Variants in EBF2 observed in about 807,000 individuals in gnomAD.
EBF2 encodes transcription factor COE2.
Under a neutral mutation model 72.8 loss-of-function variants are expected in EBF2, and 21 were observed. The observed-to-expected ratio is 0.29, with a 90% CI of 0.20 to 0.42. EBF2 has a LOEUF of 0.42. Ranked by LOEUF, EBF2 falls within the 10% of genes least tolerant of loss-of-function variation. The probability of loss-of-function intolerance (pLI) is 1.00; values close to 1 mark genes in which losing one functional copy is unlikely to be tolerated. For missense variants in EBF2, 637 were observed against 731.2 expected, an observed-to-expected ratio of 0.87 and a Z score of 1.49; for synonymous variants, 299 against 274.2, an observed-to-expected ratio of 1.09 and a Z score of -0.89.
At chr8:25,991,114 T>TAA (rs142216047) in intron 6 of EBF2, among the ~76,000 whole-genome samples, 3 of 150,872 alleles carry the variant, frequency 2.0e-5, no homozygotes, top group African/African-American at 4.9e-5. Flanking sequence ...GTGAAAAAAA[T>TAA]AAAAAAAAAG....
intron 6 of EBF2, among the ~76,000 whole-genome samples, chr8:25,966,499 T>G (rs1192414880): frequency 1.3e-5 from 2 of 152,176 alleles, no homozygotes; most frequent in African/African-American, 4.8e-5. Context: ...GAAACGGAAC[T>G]GTAGATGCAA....
At chr8:26,008,770 A>G (rs1212559029) in intron 6 of EBF2, among the ~76,000 whole-genome samples, 2 of 150,648 alleles carry the variant, frequency 1.3e-5, no homozygotes, top group Non-Finnish European at 2.9e-5. Flanking sequence ...GTTACTCTGC[A>G]TAGAAATACA....
intron 6 of EBF2, among the ~76,000 whole-genome samples, chr8:25,955,059 A>C (rs1257049890): frequency 6.6e-6 from 1 of 152,194 alleles, no homozygotes; most frequent in Non-Finnish European, 1.5e-5. Flanking sequence ...GGGTTCGAGG[A>C]GGGCACGGAG....
At chr8:26,016,826 A>C (rs930338944) in intron 6 of EBF2, among the ~76,000 whole-genome samples, 33 of 152,220 alleles carry the variant, frequency 2.2e-4, no homozygotes, top group African/African-American at 7.7e-4. Flanking sequence ...GCCAGTAAAA[A>C]TTGGTTAAGG....
intron 6 of EBF2, among the ~76,000 whole-genome samples, chr8:25,952,455 G>A (rs1392052389): frequency 2.6e-5 from 4 of 151,830 alleles, no homozygotes; most frequent in Non-Finnish European, 5.9e-5. Flanking sequence ...ATTACAGTAG[G>A]CCAACAGAAA....
chr8:25,975,083 C>T (rs35383619), intron 6 of EBF2, among the ~76,000 whole-genome samples: 19,208 of 152,080 alleles, frequency 0.13, 1,410 homozygotes, highest in Non-Finnish European at 0.16. Context: ...GGCTCGAAAT[C>T]CCACTCCTAA....
intron 10 of EBF2, among the ~76,000 whole-genome samples, chr8:25,882,394 C>G (rs567193331): frequency 6.6e-6 from 1 of 152,292 alleles, no homozygotes; most frequent in East Asian, 1.9e-4. Context: ...TCTATCCACT[C>G]TCTATCCCAG....
At chr8:26,014,356 T>TTAG (rs1805074632) in intron 6 of EBF2, among the ~76,000 whole-genome samples, 1 of 151,938 alleles carries the variant, frequency 6.6e-6, no homozygotes, top group Non-Finnish European at 1.5e-5. Flanking sequence ...CTGACTTTTA[T>TTAG]TATTAGTAGT....
intron 7 of EBF2, among the ~76,000 whole-genome samples, chr8:25,898,648 T>A (rs1802896033): frequency 6.6e-6 from 1 of 152,164 alleles, no homozygotes; most frequent in African/African-American, 2.4e-5. Flanking sequence ...AAGGGCAATA[T>A]TTTACTAGCA....
rs558207041 is a variant in EBF2 at position 25,954,841 on chromosome 8, A to G, written c.552-46286T>C. Reference sequence around the variant, plus strand: ...GCAGTGCTGGAGGACATGGATACTCAGTGCACTTTTAATTATACCATGGCT... The same window carrying G: ...GCAGTGCTGGAGGACATGGATACTCGGTGCACTTTTAATTATACCATGGCT... On this transcript the variant is annotated intron_variant, in intron 6 of 15. Coordinates refer to ENST00000520164, the MANE Select transcript of EBF2 (RefSeq NM_022659.4). Among the ~76,000 whole-genome samples the G allele has an allele frequency of 5.3e-5, 8 of 152,264 alleles. No individual in the cohort carries two copies. The East Asian group carries it at 7.7e-4, about 15-fold the overall frequency.
chr8:25,905,443 C>G (rs764544646), intron 7 of EBF2, among the ~76,000 whole-genome samples: 1 of 152,122 alleles, frequency 6.6e-6, no homozygotes, highest in Non-Finnish European at 1.5e-5. Flanking sequence ...ATCCAAACGT[C>G]CACTAACTGA....
intron 6 of EBF2, among the ~76,000 whole-genome samples, chr8:26,012,736 A>G (rs1485748): frequency 0.31 from 47,724 of 152,118 alleles, 7,929 homozygotes; most frequent in Non-Finnish European, 0.37. Context: ...TGATCCTAGC[A>G]AGGCACACAG....
At chr8:25,864,495 CACACAA>C (rs1330628798) in intron 10 of EBF2, among the ~76,000 whole-genome samples, 1 of 117,642 alleles carries the variant, frequency 8.5e-6, no homozygotes, top group East Asian at 2.1e-4. Context: ...CTGGTAGATA[CACACAA>C]ACACACACAC....
chr8:25,843,486 TG>T lies in EBF2; in HGVS notation c.*1122del, dbSNP rs995594913. ...CAGGCACCCAAAGCGGAGGGAGTGG[TG>T]GGGTTCTGGTGAGGAGGAATTCCCA... On this transcript the variant is annotated 3_prime_UTR_variant, in exon 16 of 16. Transcript: ENST00000520164. 1.3e-5 allele frequency: 2 copies of T among 152,038 alleles called. No individual in the cohort carries two copies. The highest frequency in any genetic ancestry group is 4.8e-5 in the African/African-American group (2 of 41,354). The allele number at this position is 152,038 out of a possible 1,614,324, so 9.4% of individuals were successfully genotyped here.
At chr8:25,885,680 G>T (rs1802678256) in intron 10 of EBF2, among the ~76,000 whole-genome samples, 1 of 152,110 alleles carries the variant, frequency 6.6e-6, no homozygotes, top group South Asian at 2.1e-4. Flanking sequence ...GAGATCTGAT[G>T]ATTTTATAGT....
At chr8:26,039,896 C>T (rs1440892466) in intron 5 of EBF2, 132 bp downstream of exon 5, 14 of 858,502 alleles carry the variant, frequency 1.6e-5, no homozygotes, top group Non-Finnish European at 2.7e-5. Flanking sequence ...ACACTCTGCG[C>T]CCGTCTGCCC....
rs77581714 is a variant in EBF2, at chr8:25,965,335, C to T, written c.552-56780G>A. Among the ~76,000 whole-genome samples, 227 of 152,226 alleles carry T rather than the reference C, an allele frequency of 1.5e-3. 3 individuals carry two copies. The East Asian group carries it at 0.04, about 27-fold the overall frequency. ...ATATTTTGTTAAGCAACATTAAAAG[C>T]GCTCACTCACAGATCTTGGTTAGAC... On this transcript the variant is annotated intron_variant, in intron 6 of 15. Transcript: ENST00000520164.
intron 6 of EBF2, among the ~76,000 whole-genome samples, chr8:25,987,095 G>A (rs772239466): frequency 6.6e-6 from 1 of 152,070 alleles, no homozygotes; most frequent in African/African-American, 2.4e-5. Flanking sequence ...AAGCAGAAGA[G>A]GAAGATAAGG....
intron 6 of EBF2, among the ~76,000 whole-genome samples, chr8:25,937,580 C>T (rs1052240919): frequency 6.6e-6 from 1 of 152,138 alleles, no homozygotes; most frequent in Non-Finnish European, 1.5e-5. Context: ...GGAGAGGGTA[C>T]TGTACACGTT....
Sources: allele counts gnomAD v4.1 joint callset (sites outside exome capture counted in the v4.1 genomes callset), GRCh38; gene constraint gnomAD v4.1.1; transcripts MANE v1.5; gene names NCBI Gene and HGNC (gene_info 2026-07-23, HGNC 2026-07-21).